Variants in HPSE2 observed in about 807,000 individuals in gnomAD.
The protein encoded by HPSE2 is heparanase 2 (inactive).
HPSE2 carries 38 observed loss-of-function variants against 60.5 expected under a neutral mutation model. The ratio of observed to expected loss-of-function variants is 0.63; its 90% CI spans 0.48 to 0.82. The LOEUF (loss-of-function observed/expected upper bound fraction) is 0.82, where lower values mean the gene tolerates loss of function less well. Ranked by LOEUF, HPSE2 falls within the 40% of genes least tolerant of loss-of-function variation. HPSE2 has a pLI of 0.00. For missense variants in HPSE2, 713 were observed against 740.4 expected, an observed-to-expected ratio of 0.96 and a Z score of 0.43; for synonymous variants, 295 against 293.2, an observed-to-expected ratio of 1.01 and a Z score of -0.06.
At chr10:98,728,102 C>T (rs1949134856) in intron 4 of HPSE2, among the ~76,000 whole-genome samples, 1 of 152,072 alleles carries the variant, frequency 6.6e-6, no homozygotes, top group Non-Finnish European at 1.5e-5. Flanking sequence ...AACTCAAAAT[C>T]ACACAAAGAA....
chr10:98,897,996 T>C (rs1318508007), intron 3 of HPSE2, among the ~76,000 whole-genome samples: 1 of 151,856 alleles, frequency 6.6e-6, no homozygotes, highest in Non-Finnish European at 1.5e-5. Flanking sequence ...AACTCAACAA[T>C]GAGGAAAAAA....
chr10:98,931,215 T>C (rs1210981107), intron 3 of HPSE2, among the ~76,000 whole-genome samples: 2 of 144,218 alleles, frequency 1.4e-5, no homozygotes, highest in Non-Finnish European at 3.0e-5. Context: ...GCACCATTTA[T>C]TAAATAGGGC....
intron 11 of HPSE2, among the ~76,000 whole-genome samples, chr10:98,464,782 G>A (rs1940456516): frequency 1.3e-5 from 2 of 152,222 alleles, no homozygotes; most frequent in Admixed American, 6.5e-5. Context: ...GGTTTGCTGA[G>A]TGTGTTTACA....
At chr10:98,725,543 A>G in intron 4 of HPSE2, among the ~76,000 whole-genome samples, 1 of 152,224 alleles carries the variant, frequency 6.6e-6, no homozygotes, top group Non-Finnish European at 1.5e-5. Flanking sequence ...ACCCTAGAAG[A>G]AAACCTAGGC....
chr10:99,235,790 A>G lies in HPSE2; in HGVS notation c.13T>C (p.Cys5Arg). The change falls in exon 1 of 12, where the codon TGT becomes CGT. Residue 5 changes from cysteine to arginine, a missense_variant. Cys to Arg is a radical substitution (Grantham distance 180). Transcript: ENST00000370552. MRVLCAFPEAMPSSN... is the reference protein window; with the variant it reads MRVLRAFPEAMPSSN... ...GAGGGCATGGCTTCAGGGAAGGCAC[A>G]AAGCACCCTCATTCAATCCCTCTGA... 1 of 1,613,376 alleles carries G rather than the reference A, an allele frequency of 6.2e-7. No individual in the cohort carries two copies. The highest frequency in any genetic ancestry group is 2.2e-5 in the East Asian group (1 of 44,804).
At chr10:98,709,809 G>A (rs1441002293) in intron 5 of HPSE2, among the ~76,000 whole-genome samples, 1 of 152,074 alleles carries the variant, frequency 6.6e-6, no homozygotes, top group Non-Finnish European at 1.5e-5. Context: ...TTATAATAAG[G>A]CCCATCTTTA....
At position 98,940,881 on chromosome 10, in the gene HPSE2, C is replaced by G. The variant is rs1250970102; in HGVS notation, c.611-196825G>C. Among the ~76,000 whole-genome samples, 35 of 135,490 alleles carry G rather than the reference C, an allele frequency of 2.6e-4. 1 individual carries two copies. The highest frequency in any genetic ancestry group is 5.9e-4 in the Admixed American group (8 of 13,510). 88.9% of individuals were successfully genotyped at this position (135,490 alleles called of 152,430 possible). ...CCAGCAGCACATCAAAAAGCTTATC[C>G]ACCATAATCAAGTGGGCTTCATCCC... On this transcript the variant is annotated intron_variant, in intron 3 of 11. Coordinates refer to ENST00000370552, the MANE Select transcript of HPSE2 (RefSeq NM_021828.5).
intron 3 of HPSE2, among the ~76,000 whole-genome samples, chr10:98,937,543 C>A (rs1954841090): frequency 6.9e-6 from 1 of 144,136 alleles, no homozygotes; most frequent in African/African-American, 2.8e-5. Context: ...GAGGGGTGCC[C>A]ACCATTGCCC....
chr10:98,614,393 T>C (rs547761736), intron 9 of HPSE2, among the ~76,000 whole-genome samples: 68 of 151,538 alleles, frequency 4.5e-4, no homozygotes, highest in African/African-American at 1.6e-3. Flanking sequence ...CTCGGGTTCA[T>C]GCCATTCTCC....
chr10:98,564,230 G>A (rs1351521358), intron 9 of HPSE2, among the ~76,000 whole-genome samples: 1 of 152,178 alleles, frequency 6.6e-6, no homozygotes, highest in Non-Finnish European at 1.5e-5. Flanking sequence ...AAGCACAGAG[G>A]TTGAGAGCGT....
rs117823585 is a variant in HPSE2, at chr10:98,868,476, A to T, written c.611-124420T>A. ...TTCTGTAGTCAATAGTAATTAAATC[A>T]TACATTTAAAAATAACTAAGAATAT... On this transcript the variant is annotated intron_variant, in intron 3 of 11. Transcript: ENST00000370552. Among the ~76,000 whole-genome samples, 163 of 152,204 alleles carry T rather than the reference A, an allele frequency of 1.1e-3. 4 individuals are homozygous for T. In the East Asian group the frequency reaches 0.03, roughly 28 times the overall value.
At chr10:99,273,981 T>C in the HPSE2 span, among the ~76,000 whole-genome samples, 1 of 152,218 alleles carries the variant, frequency 6.6e-6, no homozygotes, top group Non-Finnish European at 1.5e-5. Context: ...AAACCCAACA[T>C]TAATCAATCT....
chr10:98,469,099 A>T (rs987106404), intron 11 of HPSE2, among the ~76,000 whole-genome samples: 1 of 152,144 alleles, frequency 6.6e-6, no homozygotes, highest in Non-Finnish European at 1.5e-5. Flanking sequence ...TTTGATCTGT[A>T]TTCTATCCAA....
At chr10:99,013,029 A>G (rs1033366010) in intron 3 of HPSE2, 2 of 431,734 alleles carry the variant, frequency 4.6e-6, no homozygotes, top group Non-Finnish European at 8.6e-6. Context: ...CTAAATCTTT[A>G]ATTGCTGCAG....
At chr10:98,777,034 T>A (rs1327815457) in intron 3 of HPSE2, among the ~76,000 whole-genome samples, 1 of 152,206 alleles carries the variant, frequency 6.6e-6, no homozygotes, top group Non-Finnish European at 1.5e-5. Flanking sequence ...CATTTCTGTT[T>A]AAAAGTTTTC....
intron 2 of HPSE2, among the ~76,000 whole-genome samples, chr10:99,217,015 T>C (rs1485330994): frequency 6.6e-6 from 1 of 152,080 alleles, no homozygotes; most frequent in Admixed American, 6.6e-5. Context: ...ACAGTTTATT[T>C]AAACCCTAGG....
chr10:98,928,677 T>C lies in HPSE2; in HGVS notation c.611-184621A>G, dbSNP rs1254362705. On this transcript the variant is annotated intron_variant, in intron 3 of 11. Transcript: ENST00000370552. ...TGCAGCCATAAAAATGATGAGTTCA[T>C]GTCCTTTGTAGGGACATGGATAAAA... 1.0e-4 allele frequency among the ~76,000 whole-genome samples: 14 copies of C among 135,724 alleles called. 1 individual carries two copies. Among genetic ancestry groups the C allele is most frequent in the African/African-American group, 4.1e-4 (13 of 31,474 alleles). The allele number at this position is 135,724 out of a possible 152,430, so 89.0% of individuals were successfully genotyped here.
intron 3 of HPSE2, among the ~76,000 whole-genome samples, chr10:98,798,737 A>G (rs994327575): frequency 6.6e-6 from 1 of 152,190 alleles, no homozygotes; most frequent in African/African-American, 2.4e-5. Flanking sequence ...GAACAAATAC[A>G]CAAAAATATA....
chr10:98,932,216 A>G (rs769395121), intron 3 of HPSE2, among the ~76,000 whole-genome samples: 16 of 144,006 alleles, frequency 1.1e-4, no homozygotes, highest in Non-Finnish European at 2.2e-4. Flanking sequence ...TTCTGAATCT[A>G]TTGGAATAAT....
Sources: allele counts gnomAD v4.1 joint callset (sites outside exome capture counted in the v4.1 genomes callset), GRCh38; gene constraint gnomAD v4.1.1; transcripts MANE v1.5; gene names NCBI Gene and HGNC (gene_info 2026-07-23, HGNC 2026-07-21).